SLC35H1: variants seen among roughly 807,000 people sequenced by gnomAD.
The protein encoded by SLC35H1 is solute carrier family 35 member H1, also known as ovarian cancer-overexpressed gene 1 protein.
chr20:46,356,514 C>T, the SLC35H1 span: 23 of 1,563,020 alleles, frequency 1.5e-5, no homozygotes, highest in African/African-American at 5.4e-5. Flanking sequence ...GCAGACACCC[C>T]GCTGGACAGA....
At chr20:46,358,830 C>T in the SLC35H1 span, 3 of 1,036,012 alleles carry the variant, frequency 2.9e-6, no homozygotes, top group Non-Finnish European at 2.9e-6. Context: ...CCATGGGTGC[C>T]TCTGAAGGCT....
At chr20:46,350,134 C>G in the SLC35H1 span, 1 of 316,252 alleles carries the variant, frequency 3.2e-6, no homozygotes, top group African/African-American at 2.1e-5. Flanking sequence ...GAAGAACCAG[C>G]CCACTCCCCT....
At chr20:46,356,751 C>T in the SLC35H1 span, 4 of 944,236 alleles carry the variant, frequency 4.2e-6, no homozygotes, top group South Asian at 4.5e-5. Flanking sequence ...CCGGTGCCTC[C>T]TGTGGGGCCC....
chr20:46,352,111 A>G, the SLC35H1 span: 4 of 1,614,248 alleles, frequency 2.5e-6, no homozygotes, highest in Non-Finnish European at 2.5e-6. Context: ...GGAGGAACTC[A>G]GAGAAGCCCA....
chr20:46,348,794 C>T, the SLC35H1 span: 48 of 152,314 alleles, frequency 3.2e-4, no homozygotes, highest in African/African-American at 1.1e-3. Context: ...AAGCTGGATC[C>T]TACTTTTGTA....
the SLC35H1 span, chr20:46,355,811 C>T: frequency 6.2e-7 from 1 of 1,614,022 alleles, no homozygotes. The surrounding 1 kb of genome is among the most constrained non-coding windows in gnomAD (Gnocchi z 4.8). Flanking sequence ...CCAGCTCCTC[C>T]AGCTTGAAGA....
the SLC35H1 span, chr20:46,357,606 T>C: frequency 6.2e-7 from 1 of 1,609,852 alleles, no homozygotes; most frequent in Non-Finnish European, 8.5e-7. Context: ...CTGCCCTCAC[T>C]GAGGTCCCCC....
the SLC35H1 span, among the ~76,000 whole-genome samples, chr20:46,354,013 C>CT: frequency 2.0e-5 from 3 of 152,072 alleles, no homozygotes; most frequent in Admixed American, 2.0e-4. Context: ...AGACGGGACT[C>CT]TGGGAGGAAG....
At chr20:46,355,345 G>T in the SLC35H1 span, 1 of 1,310,420 alleles carries the variant, frequency 7.6e-7, no homozygotes, top group Non-Finnish European at 1.0e-6. The surrounding 1 kb of genome is among the most constrained non-coding windows in gnomAD (Gnocchi z 4.8). Flanking sequence ...TGCCCCTGGG[G>T]CAAGAAATCC....
the SLC35H1 span, chr20:46,358,947 C>G: frequency 3.3e-6 from 2 of 608,816 alleles, no homozygotes; most frequent in East Asian, 5.5e-5. Context: ...CATGAACTGC[C>G]ACCAAAGTGA....
At chr20:46,350,631 G>T in the SLC35H1 span, 1 of 1,485,548 alleles carries the variant, frequency 6.7e-7, no homozygotes, top group Non-Finnish European at 9.1e-7. Flanking sequence ...CCACTCTGGA[G>T]ATGACCCCCA....
At chr20:46,358,806 T>C in the SLC35H1 span, 12 of 1,263,504 alleles carry the variant, frequency 9.5e-6, no homozygotes, top group South Asian at 1.1e-4. Flanking sequence ...AGGCAGAGAC[T>C]GTGCTTCTCG....
chr20:46,358,815 C>T, the SLC35H1 span: 5 of 1,177,864 alleles, frequency 4.2e-6, no homozygotes, highest in South Asian at 3.9e-5. Context: ...CTGTGCTTCT[C>T]GTAGCCATGG....
At chr20:46,358,856 C>T in the SLC35H1 span, 1 of 816,588 alleles carries the variant, frequency 1.2e-6, no homozygotes, top group East Asian at 2.7e-5. Flanking sequence ...ACTCAGGGCT[C>T]TGGAGGGGCT....
At chr20:46,355,036 G>C in the SLC35H1 span, 1 of 1,613,816 alleles carries the variant, frequency 6.2e-7, no homozygotes. This position sits in a 1 kb window ranked among gnomAD's most constrained non-coding sequence, Gnocchi z 4.8. Flanking sequence ...CCTGTGCCGG[G>C]GTTCCTCTCT....
the SLC35H1 span, among the ~76,000 whole-genome samples, chr20:46,351,749 A>C: frequency 1.3e-5 from 2 of 152,230 alleles, no homozygotes; most frequent in African/African-American, 4.8e-5. Flanking sequence ...ATGTGAATGC[A>C]TTCCAGGCCT....
chr20:46,357,559 G>T, the SLC35H1 span: 1 of 1,567,690 alleles, frequency 6.4e-7, no homozygotes, highest in South Asian at 1.1e-5. Flanking sequence ...TGTCTCTCTT[G>T]TTCTCATCCT....
the SLC35H1 span, among the ~76,000 whole-genome samples, chr20:46,363,678 G>T: frequency 2.0e-5 from 3 of 152,150 alleles, no homozygotes; most frequent in Non-Finnish European, 2.9e-5. Flanking sequence ...TTCACCTGCT[G>T]ACTGCCACTG....
the SLC35H1 span, chr20:46,347,822 C>A: frequency 6.6e-6 from 1 of 152,318 alleles, no homozygotes; most frequent in Non-Finnish European, 1.5e-5. Context: ...ACCGCCACCA[C>A]AACACCAACT....
Sources: gnomAD v4.1 joint callset for allele counts (sites outside exome capture counted in the v4.1 genomes callset) on GRCh38, gnomAD v4.1.1 for gene constraint, Gnocchi (gnomAD v3.1) non-coding constraint, MANE v1.5 for transcripts, NCBI Gene and HGNC (gene_info 2026-07-23, HGNC 2026-07-21) for gene names.